The following CPQ variants were observed in gnomAD, a reference collection of about 807,000 sequenced individuals.
CPQ encodes the protein Ser-Met dipeptidase.
In CPQ, 37 loss-of-function variants were observed where a neutral mutation model predicts 45.7. That is an observed-to-expected ratio of 0.81 (90% CI 0.62 to 1.07). CPQ has a LOEUF of 1.07. Among genes scored for constraint, CPQ ranks in the 50% least tolerant of loss-of-function variants. CPQ has a pLI of 0.00. For synonymous variants in CPQ, 186 were observed against 205.8 expected, an observed-to-expected ratio of 0.90 and a Z score of 0.82; for missense variants, 537 against 572.9, an observed-to-expected ratio of 0.94 and a Z score of 0.64.
At chr8:96,958,612 A>G (rs1393655937) in intron 4 of CPQ, among the ~76,000 whole-genome samples, 2 of 152,180 alleles carry the variant, frequency 1.3e-5, no homozygotes, top group Non-Finnish European at 2.9e-5. Flanking sequence ...ATCCACTGCA[A>G]TCACATTTTA....
chr8:96,782,122 C>T lies in CPQ; in HGVS notation c.-34-2742C>T, dbSNP rs544516429. ...AGGAGTCTCAGGTGTGGTTCTGCCCCTGCAGCTTCACTAGACATTGCTTTA... is the reference window on the plus strand; with the variant it reads ...AGGAGTCTCAGGTGTGGTTCTGCCCTTGCAGCTTCACTAGACATTGCTTTA... On this transcript the variant is annotated intron_variant, in intron 1 of 7. Coordinates refer to ENST00000220763, the MANE Select transcript of CPQ (RefSeq NM_016134.4). Among the ~76,000 whole-genome samples, 52 of 152,196 alleles carry T rather than the reference C, an allele frequency of 3.4e-4. 1 individual carries two copies. The highest frequency in any genetic ancestry group is 5.0e-4 in the Non-Finnish European group (34 of 68,036).
intron 4 of CPQ, among the ~76,000 whole-genome samples, chr8:96,946,569 C>A (rs1489875655): frequency 6.6e-6 from 1 of 151,140 alleles, no homozygotes; most frequent in African/African-American, 2.4e-5. Flanking sequence ...GTTATATCTC[C>A]CAATGCTATC....
intron 3 of CPQ, among the ~76,000 whole-genome samples, chr8:96,850,094 T>C (rs962660612): frequency 6.6e-6 from 1 of 152,172 alleles, no homozygotes; most frequent in African/African-American, 2.4e-5. Context: ...CCCCCCTAAA[T>C]TGATATTTTT....
intron 2 of CPQ, among the ~76,000 whole-genome samples, chr8:96,817,008 C>A (rs1385119182): frequency 6.6e-6 from 1 of 152,138 alleles, no homozygotes; most frequent in Non-Finnish European, 1.5e-5. Flanking sequence ...TGAATATTGG[C>A]TTCAACAAAG....
chr8:96,646,584 C>A (rs111717553), intron 1 of CPQ, among the ~76,000 whole-genome samples: 9 of 152,334 alleles, frequency 5.9e-5, no homozygotes, highest in African/African-American at 2.2e-4. Context: ...TAGCACATAG[C>A]TTTAATACAG....
chr8:96,790,966 G>C (rs1810838483), intron 2 of CPQ, among the ~76,000 whole-genome samples: 1 of 152,106 alleles, frequency 6.6e-6, no homozygotes, highest in Non-Finnish European at 1.5e-5. Flanking sequence ...AGGTATTAGG[G>C]AGCTCCTTAG....
chr8:96,769,249 G>A lies in CPQ; in HGVS notation c.-34-15615G>A, dbSNP rs527339281. ...GGGGGATCCAAGTCTTGGGAAACTAGCACTTTATGAGGTTAGAATCCCTTT... is the reference window on the plus strand; with the variant it reads ...GGGGGATCCAAGTCTTGGGAAACTAACACTTTATGAGGTTAGAATCCCTTT... On this transcript the variant is annotated intron_variant, in intron 1 of 7. Coordinates refer to ENST00000220763, the MANE Select transcript of CPQ (RefSeq NM_016134.4). Among the ~76,000 whole-genome samples, 9 of 152,268 alleles carry A rather than the reference G, an allele frequency of 5.9e-5. No individual in the cohort carries two copies. In the East Asian group the frequency reaches 1.4e-3, roughly 23 times the overall value.
intron 6 of CPQ, among the ~76,000 whole-genome samples, chr8:97,051,647 CA>C (rs1306082897): frequency 6.6e-6 from 1 of 152,180 alleles, no homozygotes; most frequent in Non-Finnish European, 1.5e-5. Context: ...CCAAGTGTAT[CA>C]ACCCCCAAGG....
intron 1 of CPQ, among the ~76,000 whole-genome samples, chr8:96,655,767 T>C (rs1175880528): frequency 6.6e-6 from 1 of 152,212 alleles, no homozygotes; most frequent in Admixed American, 6.5e-5. Context: ...TGACTTACAA[T>C]GGGGTTATAT....
At chr8:97,127,491 C>A (rs1471615024) in intron 7 of CPQ, among the ~76,000 whole-genome samples, 1 of 152,062 alleles carries the variant, frequency 6.6e-6, no homozygotes, top group East Asian at 1.9e-4. Context: ...AGTTTGAGAC[C>A]AGCCTGGCCA....
chr8:97,133,467 G>A (rs1429429019), intron 7 of CPQ: 2 of 152,174 alleles, frequency 1.3e-5, no homozygotes, highest in East Asian at 1.9e-4. Context: ...AGTTTGTTAG[G>A]TGGGTGGTGG....
rs183860540 is a variant in CPQ at position 96,802,321 on chromosome 8, G to T, written c.433+16991G>T. 2.3e-3 allele frequency among the ~76,000 whole-genome samples: 348 copies of T among 152,182 alleles called. 4 individuals carry two copies. The highest frequency in any genetic ancestry group is 8.2e-3 in the African/African-American group (340 of 41,520). ...CTTTGACAGGCTCATTGTAGTCTTG[G>T]AATTATAGTCACTTGAATCAAGCTG... On this transcript the variant is annotated intron_variant, in intron 2 of 7. Coordinates refer to ENST00000220763, the MANE Select transcript of CPQ (RefSeq NM_016134.4).
At chr8:96,964,668 T>G (rs1425744264) in intron 4 of CPQ, among the ~76,000 whole-genome samples, 2 of 152,170 alleles carry the variant, frequency 1.3e-5, no homozygotes, top group African/African-American at 4.8e-5. Context: ...TAGAAAATTG[T>G]TAACCAATGT....
chr8:96,661,680 C>T (rs370430988), intron 1 of CPQ, among the ~76,000 whole-genome samples: 6 of 152,068 alleles, frequency 3.9e-5, no homozygotes, highest in South Asian at 2.1e-4. Context: ...TTTATTTATC[C>T]GTTCACCTAC....
chr8:96,894,956 C>G (rs777635431), intron 4 of CPQ, among the ~76,000 whole-genome samples: 65 of 152,158 alleles, frequency 4.3e-4, no homozygotes, highest in Non-Finnish European at 8.1e-4. Flanking sequence ...ATCATGCTAA[C>G]CAACTGAATT....
intron 1 of CPQ, among the ~76,000 whole-genome samples, chr8:96,712,691 T>TG (rs1426399265): frequency 1.3e-5 from 2 of 152,124 alleles, no homozygotes; most frequent in East Asian, 1.9e-4. Context: ...GCATAGAGCA[T>TG]GGGGGCCCTG....
At chr8:97,112,096 A>G (rs1010775032) in intron 7 of CPQ, among the ~76,000 whole-genome samples, 5 of 151,932 alleles carry the variant, frequency 3.3e-5, no homozygotes, top group Admixed American at 2.0e-4. Context: ...CCCATTTCCT[A>G]TAAAATATGT....
chr8:96,837,744 G>T (rs1340625757), intron 3 of CPQ, among the ~76,000 whole-genome samples: 1 of 152,120 alleles, frequency 6.6e-6, no homozygotes, highest in African/African-American at 2.4e-5. Context: ...TCTTCTCTGG[G>T]ATGTTCCATA....
intron 2 of CPQ, among the ~76,000 whole-genome samples, chr8:96,830,799 A>G (rs1436296281): frequency 6.6e-6 from 1 of 152,188 alleles, no homozygotes; most frequent in Non-Finnish European, 1.5e-5. Flanking sequence ...ATTGCTGACA[A>G]CTTAGGCTGA....
Sources: gnomAD v4.1 joint callset for allele counts (sites outside exome capture counted in the v4.1 genomes callset) on GRCh38, gnomAD v4.1.1 for gene constraint, MANE v1.5 for transcripts, NCBI Gene and HGNC (gene_info 2026-07-23, HGNC 2026-07-21) for gene names.